HDAC1: variants seen among roughly 807,000 people sequenced by gnomAD.
HDAC1 encodes the protein protein deacetylase HDAC1.
HDAC1 carries 18 observed loss-of-function variants against 65.5 expected under a neutral mutation model. The ratio of observed to expected loss-of-function variants is 0.27; its 90% CI spans 0.19 to 0.41. The LOEUF is 0.41. HDAC1 is among the 10% of genes least tolerant of loss of function. The pLI, the probability that HDAC1 is intolerant of heterozygous loss-of-function variation, is 1.00. For synonymous variants in HDAC1, 211 were observed against 227.9 expected (o/e 0.93, Z 0.67); for missense variants, 373 against 625.2 (o/e 0.60, Z 4.30).
At chr1:32,307,555 GA>G (rs1640927952) in intron 2 of HDAC1, among the ~76,000 whole-genome samples, 1 of 152,204 alleles carries the variant, frequency 6.6e-6, no homozygotes, top group South Asian at 2.1e-4. Context: ...CAGATAAAGG[GA>G]TGATTCACAC....
Position 32,331,929 on chromosome 1 carries a change from C to T in HDAC1, c.1219+123C>T, listed in dbSNP as rs1641297837. The stretch of plus-strand genomic sequence containing the variant: ...TGTAGAGAAATCTGTTTTCGAGTTC[C>T]AGTGCCTGTAGGAACAGGTTAGGGA... On this transcript the variant is annotated intron_variant, in intron 11 of 13. Coordinates refer to ENST00000373548, the MANE Select transcript of HDAC1 (RefSeq NM_004964.3). The surrounding 1 kb of genome is among the most constrained non-coding windows in gnomAD (Gnocchi z 4.2). The T allele has an allele frequency of 3.5e-6, 5 of 1,427,774 alleles. No individual in the cohort carries two copies. The highest frequency in any genetic ancestry group is 4.7e-6 in the Non-Finnish European group (5 of 1,057,296). The allele number at this position is 1,427,774 out of a possible 1,614,324, so 88.4% of individuals were successfully genotyped here. A position where few individuals can be genotyped will look rare whatever the true frequency, so the allele number is the denominator to read the frequency against.
In HDAC1 at chr1:32,329,809, T is replaced by C. The variant is rs1312046738; in HGVS notation, c.729+649T>C. 1 of 155,944 alleles carries C rather than the reference T, an allele frequency of 6.4e-6. No individual in the cohort carries two copies. Among genetic ancestry groups the C allele is most frequent in the Admixed American group, 6.2e-5 (1 of 16,170 alleles). 9.7% of individuals were successfully genotyped at this position (155,944 alleles called of 1,614,324 possible). A position where few individuals can be genotyped will look rare whatever the true frequency, so the allele number is the denominator to read the frequency against. ...AGGTGCTGATGTTTAAGCTGGACTT[T>C]GGAAAATGAGGAGGTGCCCATGTGA... is the stretch of plus-strand genomic sequence containing the variant. On this transcript the variant is annotated intron_variant, in intron 7 of 13. Transcript: ENST00000373548. This position sits in a 1 kb window ranked among gnomAD's most constrained non-coding sequence, Gnocchi z 4.1.
chr1:32,302,776 C>G (rs2148058385), intron 2 of HDAC1, 43 bp downstream of exon 2: 1 of 873,764 alleles, frequency 1.1e-6, no homozygotes, highest in African/African-American at 1.6e-5. Flanking sequence ...CTCATCTGCT[C>G]TGGTTCCCCA....
chr1:32,317,549 T>C (rs1465625384), intron 3 of HDAC1, among the ~76,000 whole-genome samples: 1 of 152,218 alleles, frequency 6.6e-6, no homozygotes, highest in Non-Finnish European at 1.5e-5. Flanking sequence ...GGCACTTGTT[T>C]GTTGCTGCTG....
chr1:32,321,051 G>A (rs994786201), intron 3 of HDAC1, among the ~76,000 whole-genome samples: 14 of 151,100 alleles, frequency 9.3e-5, no homozygotes, highest in African/African-American at 3.4e-4. Flanking sequence ...CTAACACAGT[G>A]AAACCCCATC....
intron 2 of HDAC1, among the ~76,000 whole-genome samples, chr1:32,313,911 G>A (rs1046910870): frequency 3.3e-5 from 5 of 152,068 alleles, no homozygotes; most frequent in African/African-American, 9.7e-5. Context: ...GTTGAGCTGC[G>A]GGACAGGCTC....
chr1:32,301,700 G>A (rs1381913230), intron 1 of HDAC1, among the ~76,000 whole-genome samples: 1 of 152,048 alleles, frequency 6.6e-6, no homozygotes, highest in African/African-American at 2.4e-5. Context: ...AACCCAGGAG[G>A]CGAAGGTTGC....
intron 2 of HDAC1, among the ~76,000 whole-genome samples, chr1:32,304,186 C>T (rs1350907871): frequency 3.3e-5 from 5 of 152,068 alleles, no homozygotes; most frequent in Non-Finnish European, 5.9e-5. Flanking sequence ...AAACTACCAA[C>T]AGTGGTATTT....
intron 12 of HDAC1, 109 bp from the exon 13 acceptor site, chr1:32,332,592 T>TAG (rs2148074050): frequency 2.5e-6 from 2 of 805,100 alleles, no homozygotes; most frequent in East Asian, 5.3e-5. Flanking sequence ...TTTCTCTCTT[T>TAG]ATGTCCAGTG....
chr1:32,304,856 A>C (rs1479592193), intron 2 of HDAC1, among the ~76,000 whole-genome samples: 5 of 151,916 alleles, frequency 3.3e-5, no homozygotes, highest in African/African-American at 1.2e-4. Flanking sequence ...GAGCCACCAT[A>C]CCCAGCCTCT....
In HDAC1 at chr1:32,333,021, A is replaced by G. The variant is rs761574254; in HGVS notation, c.1426A>G (p.Lys476Glu). The G allele has an allele frequency of 1.7e-5, 28 of 1,613,762 alleles. No homozygotes were observed. Among genetic ancestry groups the G allele is most frequent in the Admixed American group, 5.0e-5 (3 of 59,990 alleles). The change falls in exon 14 of 14, where the codon AAG (lysine) becomes GAG (glutamate). Residue 476 changes from lysine (K) to glutamate (E), a missense_variant. Around this residue, in one of 4 missense-constraint regions of HDAC1, gnomAD observed 126 missense variants for 126.2 expected, o/e 1.00. Transcript: ENST00000373548. ...KEEKPEAKGV[K>E]EEVKLA ...CAGTCTCTGCTCTCTCCACAGGGTC[A>G]AGGAGGAGGTCAAGTTGGCCTGAAT... is the stretch of plus-strand genomic sequence containing the variant.
rs540993173 is a variant in HDAC1 at position 32,333,502 on chromosome 1, ACACTGCCTGCC to A, written c.*460_*470del. Reference sequence around the variant, plus strand: ...CCACTGGCCTCAAGTGAGCCAAGAAACACTGCCTGCCCTCTGTCTGTCTTCTCCTAATTCTG... The same window carrying A: ...CCACTGGCCTCAAGTGAGCCAAGAAACTCTGTCTGTCTTCTCCTAATTCTG... On this transcript the variant is annotated 3_prime_UTR_variant, in exon 14 of 14. Transcript: ENST00000373548. 2.1e-3 allele frequency: 315 copies of A among 153,334 alleles called. 1 individual carries two copies. Among genetic ancestry groups the A allele is most frequent in the Middle Eastern group, 0.013 (4 of 298 alleles). 9.5% of individuals were successfully genotyped at this position (153,334 alleles called of 1,614,324 possible).
intron 2 of HDAC1, among the ~76,000 whole-genome samples, chr1:32,309,625 T>G (rs1239799631): frequency 6.9e-6 from 1 of 145,600 alleles, no homozygotes; most frequent in Non-Finnish European, 1.5e-5. Context: ...TGGCGGAGAT[T>G]GCAGTGAGCT....
Position 32,316,789 on chromosome 1 carries a change from C to G in HDAC1, c.280+7C>G. On this transcript the variant is annotated splice_region_variant and intron_variant, in intron 3 of 13. Coordinates refer to ENST00000373548, the MANE Select transcript of HDAC1 (RefSeq NM_004964.3). ...AGCAAGCAGATGCAGAGATGTAAGTCCATTCTGTTCCCTCACACTCTGAAG... is the reference window on the plus strand; with the variant it reads ...AGCAAGCAGATGCAGAGATGTAAGTGCATTCTGTTCCCTCACACTCTGAAG... 2.6e-6 allele frequency: 4 copies of G among 1,544,326 alleles called. No individual in the cohort carries two copies. The highest frequency in any genetic ancestry group is 3.6e-6 in the Non-Finnish European group (4 of 1,116,540).
Position 32,333,350 on chromosome 1 carries a change from A to G in HDAC1, c.*306A>G. 4.4e-6 allele frequency: 1 copy of G among 224,822 alleles called. No individual in the cohort carries two copies. The highest frequency in any genetic ancestry group is 9.5e-5 in the South Asian group (1 of 10,502). The allele number at this position is 224,822 out of a possible 1,614,324, so 13.9% of individuals were successfully genotyped here. On this transcript the variant is annotated 3_prime_UTR_variant, in exon 14 of 14. Coordinates refer to ENST00000373548, the MANE Select transcript of HDAC1 (RefSeq NM_004964.3). Reference sequence around the variant, plus strand: ...CTGAAATGCCAAGTGCCTGCTTAGTAGCTTTGGAAAGGTGCCCTTATTGAA... The same window carrying G: ...CTGAAATGCCAAGTGCCTGCTTAGTGGCTTTGGAAAGGTGCCCTTATTGAA...
chr1:32,311,572 T>C (rs1640993715), intron 2 of HDAC1, among the ~76,000 whole-genome samples: 1 of 152,088 alleles, frequency 6.6e-6, no homozygotes, highest in Admixed American at 6.6e-5. Flanking sequence ...AATAGGGTAG[T>C]AGATGCAATC....
intron 2 of HDAC1, among the ~76,000 whole-genome samples, chr1:32,307,255 A>G (rs1640924910): frequency 6.6e-6 from 1 of 152,182 alleles, no homozygotes; most frequent in South Asian, 2.1e-4. Flanking sequence ...CAAAAATAAA[A>G]AAAAAGAAGA....
chr1:32,323,940 A>G (rs1225578428), intron 3 of HDAC1, among the ~76,000 whole-genome samples: 1 of 152,012 alleles, frequency 6.6e-6, no homozygotes, highest in African/African-American at 2.4e-5. Context: ...GCTTCTCCAT[A>G]TTAGATTTTT....
chr1:32,308,797 C>A (rs1640946984), intron 2 of HDAC1, among the ~76,000 whole-genome samples: 1 of 151,628 alleles, frequency 6.6e-6, no homozygotes, highest in East Asian at 2.0e-4. Context: ...GGATTACAGG[C>A]GTGAGCCACG....
Sources: allele counts gnomAD v4.1 joint callset (sites outside exome capture counted in the v4.1 genomes callset), GRCh38; gene constraint gnomAD v4.1.1; regional missense constraint gnomAD v4.1.1; non-coding constraint Gnocchi (gnomAD v3.1); transcripts MANE v1.5; gene names NCBI Gene and HGNC (gene_info 2026-07-23, HGNC 2026-07-21).